Variants in KLRG1 observed in about 807,000 individuals in gnomAD.
KLRG1 encodes the protein killer cell lectin like receptor G1, also known as killer cell lectin-like receptor subfamily G member 1.
KLRG1 carries 16 observed loss-of-function variants against 21.8 expected under a neutral mutation model. The ratio of observed to expected loss-of-function variants is 0.73; its 90% CI spans 0.50 to 1.11. KLRG1 has a LOEUF of 1.11. Ranked by LOEUF, KLRG1 falls within the 50% of genes most tolerant of loss-of-function variation. The pLI, the probability that KLRG1 is intolerant of heterozygous loss-of-function variation, is 0.00. For synonymous variants in KLRG1, 69 were observed against 75.9 expected, an observed-to-expected ratio of 0.91 and a Z score of 0.47; for missense variants, 173 against 218.3, an observed-to-expected ratio of 0.79 and a Z score of 1.31.
chr12:9,068,654 TAATA>T, the KLRG1 span: 14 of 1,070,530 alleles, frequency 1.3e-5, no homozygotes, highest in Non-Finnish European at 2.0e-5. Flanking sequence ...TTACTTAATG[TAATA>T]AATAACCCCA....
chr12:9,048,876 G>A, the KLRG1 span, among the ~76,000 whole-genome samples: 1 of 152,284 alleles, frequency 6.6e-6, no homozygotes, highest in Non-Finnish European at 1.5e-5. Flanking sequence ...TATACAGACT[G>A]GTAAGGAAGA....
At chr12:9,196,569 A>G in the KLRG1 span, 48 of 1,596,844 alleles carry the variant, frequency 3.0e-5, no homozygotes, top group Non-Finnish European at 4.0e-5. Flanking sequence ...CATTACTCAC[A>G]CCTGTCCCCT....
At chr12:8,978,641 T>TTTCTTTCTTTCTTTCTTTCC (rs1565541168) in intron 1 of KLRG1, among the ~76,000 whole-genome samples, 16 of 8,796 alleles carry the variant, frequency 1.8e-3, no homozygotes, top group African/African-American at 3.0e-3. Context: ...TTTTCTTTCT[T>TTTCTTTCTTTCTTTCTTTCC]TTCTTTCTTT....
intron 1 of KLRG1, among the ~76,000 whole-genome samples, chr12:8,972,653 C>G (rs1396848474): frequency 6.6e-6 from 1 of 152,144 alleles, no homozygotes; most frequent in African/African-American, 2.4e-5. Context: ...GCTCCCTATT[C>G]TCATCCATTG....
the KLRG1 span, chr12:9,070,358 T>A: frequency 1.5e-6 from 1 of 679,410 alleles, no homozygotes. Flanking sequence ...ATTATATTTC[T>A]GAGCTGGAAA....
the KLRG1 span, among the ~76,000 whole-genome samples, chr12:9,204,175 A>G: frequency 6.6e-6 from 1 of 152,200 alleles, no homozygotes; most frequent in Non-Finnish European, 1.5e-5. Context: ...ACAACACTGG[A>G]GATTGCTTTC....
the KLRG1 span, among the ~76,000 whole-genome samples, chr12:9,129,975 C>T: frequency 1.3e-5 from 2 of 152,170 alleles, no homozygotes; most frequent in Non-Finnish European, 2.9e-5. Context: ...TAAACACTTC[C>T]CCTTTCTCCT....
At chr12:9,121,997 G>A in the KLRG1 span, among the ~76,000 whole-genome samples, 1 of 152,066 alleles carries the variant, frequency 6.6e-6, no homozygotes, top group Non-Finnish European at 1.5e-5. The surrounding 1 kb of genome is among the most constrained non-coding windows in gnomAD (Gnocchi z 4.4). Context: ...CATGATTACT[G>A]GTGATGTTCA....
chr12:9,101,754 C>G, the KLRG1 span: 1 of 1,117,524 alleles, frequency 8.9e-7, no homozygotes, highest in Non-Finnish European at 1.3e-6. Context: ...CGTAAGTTTA[C>G]TGTCCTACCT....
the KLRG1 span, among the ~76,000 whole-genome samples, chr12:9,207,187 C>T: frequency 2.0e-5 from 3 of 152,204 alleles, no homozygotes; most frequent in Non-Finnish European, 4.4e-5. Flanking sequence ...AGAGGGACCC[C>T]TTATCCCTTT....
the KLRG1 span, among the ~76,000 whole-genome samples, chr12:9,019,161 T>C: frequency 2.6e-4 from 39 of 152,204 alleles, 1 homozygote; most frequent in African/African-American, 8.2e-4. Flanking sequence ...GGCAAACAGG[T>C]ATATGAAAAG....
chr12:9,120,188 G>A, the KLRG1 span, among the ~76,000 whole-genome samples: 2 of 152,130 alleles, frequency 1.3e-5, no homozygotes. Context: ...TCTGGGTTTC[G>A]CTATAGGAAC....
the KLRG1 span, among the ~76,000 whole-genome samples, chr12:9,176,586 T>G: frequency 1.3e-5 from 2 of 152,226 alleles, no homozygotes; most frequent in African/African-American, 4.8e-5. Context: ...GCAGTGTACT[T>G]TTTATGGAAA....
the KLRG1 span, among the ~76,000 whole-genome samples, chr12:9,081,827 A>G: frequency 6.6e-6 from 1 of 152,228 alleles, no homozygotes; most frequent in African/African-American, 2.4e-5. Context: ...TCAGGTAGAA[A>G]CAAAGAAGGA....
Position 9,010,051 on chromosome 12 carries a change from T to C in KLRG1, c.*514T>C. On this transcript the variant is annotated 3_prime_UTR_variant, in exon 5 of 5. Coordinates refer to ENST00000356986, the MANE Select transcript of KLRG1 (RefSeq NM_005810.4). ...TGAAGAATAAACCTAGCTGGCATGC[T>C]GGTGTGTACCTGTAGTCCTAGCTAT... 11 of 1,525,734 alleles carry C rather than the reference T, an allele frequency of 7.2e-6. No individual in the cohort carries two copies. The highest frequency in any genetic ancestry group is 9.7e-6 in the Non-Finnish European group (11 of 1,138,840). The allele number at this position is 1,525,734 out of a possible 1,614,324, so 94.5% of individuals were successfully genotyped here.
At chr12:8,981,843 A>G (rs989131473) in intron 1 of KLRG1, among the ~76,000 whole-genome samples, 6 of 152,204 alleles carry the variant, frequency 3.9e-5, no homozygotes, top group African/African-American at 1.4e-4. Context: ...AAAATATCCA[A>G]CTATGATTAT....
chr12:8,995,399 G>C, intron 3 of KLRG1, 111 bp downstream of exon 3: 1 of 910,952 alleles, frequency 1.1e-6, no homozygotes, highest in Non-Finnish European at 1.6e-6. Flanking sequence ...GAAGGAATCT[G>C]TGATTTGGGG....
Position 8,968,631 on chromosome 12 carries a change from C to T in KLRG1, c.-156+18395C>T, listed in dbSNP as rs766482553. ...AACTGTTTAATTGACATTAATATAA[C>T]ATTTAGTCCAACAAATGAATAATGT... On this transcript the variant is annotated intron_variant, in intron 1 of 4. Coordinates refer to the KLRG1 transcript ENST00000539240. Among the ~76,000 whole-genome samples the T allele has an allele frequency of 8.5e-5, 13 of 152,302 alleles. 1 individual carries two copies. The South Asian group carries it at 2.7e-3, about 32-fold the overall frequency.
chr12:9,017,264 C>CAAAAAAAAA, the KLRG1 span, among the ~76,000 whole-genome samples: 7 of 53,126 alleles, frequency 1.3e-4, no homozygotes, highest in African/African-American at 2.4e-4. Context: ...AACTCCATCT[C>CAAAAAAAAA]AAAAAAAAAA....
Sources: allele counts gnomAD v4.1 joint callset (sites outside exome capture counted in the v4.1 genomes callset), GRCh38; gene constraint gnomAD v4.1.1; non-coding constraint Gnocchi (gnomAD v3.1); transcripts MANE v1.5; gene names NCBI Gene and HGNC (gene_info 2026-07-23, HGNC 2026-07-21).